Variants in ACOX3 observed in about 807,000 individuals in gnomAD.
ACOX3 encodes the protein peroxisomal acyl-coenzyme A oxidase 3.
ACOX3 carries 73 observed loss-of-function variants against 81.5 expected under a neutral mutation model. The ratio of observed to expected loss-of-function variants is 0.90; its 90% CI spans 0.74 to 1.09. The LOEUF (loss-of-function observed/expected upper bound fraction) is 1.09. Ranked by LOEUF, ACOX3 falls within the 50% of genes least tolerant of loss-of-function variation. The pLI, the probability that ACOX3 is intolerant of heterozygous loss-of-function variation, is 0.00. For synonymous variants in ACOX3, 387 were observed against 375.1 expected (o/e 1.03, Z -0.37); for missense variants, 947 against 928.0 (o/e 1.02, Z -0.27).
At position 8,381,805 on chromosome 4, in the gene ACOX3, C is replaced by T. The variant is rs1413362856; in HGVS notation, c.1538-198G>A. ...GGGAGGGCACCTGCCCAGGGCCCCC[C>T]TGGCTGGAGGCACTTCCTGGCTCAG... is the stretch of plus-strand genomic sequence containing the variant. On this transcript the variant is annotated intron_variant, in intron 13 of 17. Transcript: ENST00000356406. This position sits in a 1 kb window ranked among gnomAD's most constrained non-coding sequence, Gnocchi z 4.3. 6.6e-6 allele frequency among the ~76,000 whole-genome samples: 1 copy of T among 152,214 alleles called. No individual in the cohort carries two copies. Among genetic ancestry groups the T allele is most frequent in the Non-Finnish European group, 1.5e-5 (1 of 68,028 alleles).
chr4:8,402,440 C>T (rs374527444), intron 7 of ACOX3, among the ~76,000 whole-genome samples: 2 of 152,220 alleles, frequency 1.3e-5, no homozygotes, highest in African/African-American at 4.8e-5. Context: ...ATGGCCCCAG[C>T]GTGCTCCAGC....
intron 10 of ACOX3, among the ~76,000 whole-genome samples, chr4:8,392,857 T>C (rs1299836218): frequency 2.6e-5 from 4 of 152,148 alleles, no homozygotes; most frequent in African/African-American, 7.2e-5. Flanking sequence ...GGAACCAGAC[T>C]CAGCACCGCA....
intron 1 of ACOX3, among the ~76,000 whole-genome samples, chr4:8,422,651 G>A (rs918061691): frequency 6.6e-6 from 1 of 152,218 alleles, no homozygotes; most frequent in Non-Finnish European, 1.5e-5. Context: ...TGTAGGCATA[G>A]CTCCAGTTGT....
chr4:8,416,234 G>T lies in ACOX3; in HGVS notation c.144+144C>A. 1 of 1,346,304 alleles carries T rather than the reference G, an allele frequency of 7.4e-7. No individual in the cohort carries two copies. The highest frequency in any genetic ancestry group is 1.0e-6 in the Non-Finnish European group (1 of 953,032). 83.4% of individuals were successfully genotyped at this position (1,346,304 alleles called of 1,614,324 possible). On this transcript the variant is annotated intron_variant, in intron 2 of 17. Transcript: ENST00000356406. The surrounding 1 kb of genome is among the most constrained non-coding windows in gnomAD (Gnocchi z 4.2). ...ATCAATTCCCTGAGGCCTGTCCTGG[G>T]GTGCAGAGAGGAGAGAGGCCGCGCT...
downstream of ACOX3, among the ~76,000 whole-genome samples, chr4:8,361,447 AAAAAAAAAAAG>A (rs1715233212): frequency 6.6e-6 from 1 of 150,522 alleles, no homozygotes; most frequent in African/African-American, 2.4e-5. Flanking sequence ...AAAAAAAAAA[AAAAAAAAAAAG>A]GATTGTTTTA....
At chr4:8,378,906 C>A (rs1717303589) in intron 14 of ACOX3, among the ~76,000 whole-genome samples, 1 of 152,198 alleles carries the variant, frequency 6.6e-6, no homozygotes, top group East Asian at 1.9e-4. Context: ...ATCACCCTCT[C>A]CATGAACGGT....
At chr4:8,427,247 C>G (rs1397575989) in intron 1 of ACOX3, among the ~76,000 whole-genome samples, 3 of 152,198 alleles carry the variant, frequency 2.0e-5, no homozygotes, top group African/African-American at 7.2e-5. Flanking sequence ...GGACAATGAT[C>G]AGGATATAAA....
At position 8,394,550 on chromosome 4, in the gene ACOX3, G is replaced by GTC; in HGVS notation, c.1179+69_1179+70insGA. ...AGGACTGATTTTGCTTTGAAATGAA[G>GTC]GTTGAATCTATGCTGCTCCAACCGT... On this transcript the variant is annotated intron_variant, in intron 10 of 17. Transcript: ENST00000356406. This position sits in a 1 kb window ranked among gnomAD's most constrained non-coding sequence, Gnocchi z 5.9. 6.4e-7 allele frequency: 1 copy of GTC among 1,570,208 alleles called. No homozygotes were observed.
chr4:8,416,367 G>A lies in ACOX3; in HGVS notation c.144+11C>T, dbSNP rs200412115. The A allele has an allele frequency of 3.5e-5, 57 of 1,613,976 alleles. No homozygotes were observed. The highest frequency in any genetic ancestry group is 2.7e-4 in the African/African-American group (20 of 74,902). ...GAAAAAAGACAAGCTGCGCACAACC[G>A]CACGCCTCACCTTAAAGCGGAGCAT... On this transcript the variant is annotated intron_variant, in intron 2 of 17. Transcript: ENST00000356406. This position sits in a 1 kb window ranked among gnomAD's most constrained non-coding sequence, Gnocchi z 4.2.
chr4:8,371,048 A>G, intron 16 of ACOX3, 54 bp from the exon 17 acceptor site: 1 of 1,559,274 alleles, frequency 6.4e-7, no homozygotes, highest in Non-Finnish European at 8.8e-7. Flanking sequence ...TTCCATGGTG[A>G]CCAAAGCATA....
At chr4:8,409,480 C>A (rs1280682370) in intron 6 of ACOX3, among the ~76,000 whole-genome samples, 2 of 148,210 alleles carry the variant, frequency 1.3e-5, no homozygotes, top group Admixed American at 6.7e-5. Context: ...GCACTGTGGG[C>A]AGGACTGTCT....
the ACOX3 span, among the ~76,000 whole-genome samples, chr4:8,359,999 C>T: frequency 5.3e-5 from 8 of 152,254 alleles, no homozygotes; most frequent in South Asian, 1.7e-3. This position sits in a 1 kb window ranked among gnomAD's most constrained non-coding sequence, Gnocchi z 6.0. Flanking sequence ...ACCTTTAAGC[C>T]TGCTTTTCAA....
chr4:8,383,797 G>A (rs952334351), intron 13 of ACOX3, among the ~76,000 whole-genome samples: 12 of 152,200 alleles, frequency 7.9e-5, no homozygotes, highest in African/African-American at 1.9e-4. Flanking sequence ...TGTGACCACC[G>A]CCTGTTCCTA....
intron 1 of ACOX3, among the ~76,000 whole-genome samples, chr4:8,440,051 G>A (rs542934870): frequency 1.3e-5 from 2 of 152,322 alleles, no homozygotes; most frequent in South Asian, 2.1e-4. Flanking sequence ...TGTGTTATCT[G>A]TAAATTCCAG....
chr4:8,373,401 GGGGGTGCGTGTAGGC>G (rs1716492654), intron 16 of ACOX3, among the ~76,000 whole-genome samples, 145 bp downstream of exon 16: 1 of 150,998 alleles, frequency 6.6e-6, no homozygotes, highest in African/African-American at 2.4e-5. Flanking sequence ...GTCTGGGTAA[GGGGGTGCGTGTAGGC>G]TCTGGGTGAC....
chr4:8,406,051 A>G lies in ACOX3; in HGVS notation c.688-8T>C, dbSNP rs766542545. 1 of 1,612,766 alleles carries G rather than the reference A, an allele frequency of 6.2e-7. No homozygotes were observed. Among genetic ancestry groups the G allele is most frequent in the South Asian group, 1.1e-5 (1 of 91,042 alleles). The stretch of plus-strand genomic sequence containing the variant: ...GGTCTTCGGGTCCCGGATCTATACA[A>G]AGCCACAGAAAGCAGCAAACAGCAA... On this transcript the variant is annotated splice_polypyrimidine_tract_variant and splice_region_variant and intron_variant, in intron 6 of 17. Coordinates refer to ENST00000356406, the MANE Select transcript of ACOX3 (RefSeq NM_003501.3). This position sits in a 1 kb window ranked among gnomAD's most constrained non-coding sequence, Gnocchi z 5.6.
intron 15 of ACOX3, 111 bp from the exon 16 acceptor site, chr4:8,373,739 G>A: frequency 1.1e-6 from 1 of 935,562 alleles, no homozygotes; most frequent in Non-Finnish European, 1.7e-6. Context: ...GGCCTGTTTT[G>A]GGTGAACACA....
intron 14 of ACOX3, among the ~76,000 whole-genome samples, chr4:8,376,927 C>A (rs1330000893): frequency 1.3e-5 from 2 of 152,076 alleles, no homozygotes; most frequent in East Asian, 3.9e-4. Flanking sequence ...CAGGCTCCCA[C>A]CTGAGGCCTC....
chr4:8,382,259 C>G lies in ACOX3; in HGVS notation c.1538-652G>C, dbSNP rs1215538010. The stretch of plus-strand genomic sequence containing the variant: ...GTGTCAGGCAGGACAGCTGGAGACC[C>G]CCCTTCGTCCTCCCCTTCCCCTGGC... On this transcript the variant is annotated intron_variant, in intron 13 of 17. Coordinates refer to ENST00000356406, the MANE Select transcript of ACOX3 (RefSeq NM_003501.3). The surrounding 1 kb of genome is among the most constrained non-coding windows in gnomAD (Gnocchi z 4.1). Among the ~76,000 whole-genome samples the G allele has an allele frequency of 6.6e-6, 1 of 152,198 alleles. No individual in the cohort carries two copies. Among genetic ancestry groups the G allele is most frequent in the Non-Finnish European group, 1.5e-5 (1 of 68,022 alleles).
Sources: allele counts gnomAD v4.1 joint callset (sites outside exome capture counted in the v4.1 genomes callset), GRCh38; gene constraint gnomAD v4.1.1; non-coding constraint Gnocchi (gnomAD v3.1); transcripts MANE v1.5; gene names NCBI Gene and HGNC (gene_info 2026-07-23, HGNC 2026-07-21).